The following TENT4A variants were observed in gnomAD, a reference collection of about 807,000 sequenced individuals.
The protein encoded by TENT4A is terminal nucleotidyltransferase 4A.
TENT4A carries 7 observed loss-of-function variants against 72.8 expected under a neutral mutation model. The ratio of observed to expected loss-of-function variants is 0.10; its 90% CI spans 0.05 to 0.18. TENT4A has a LOEUF of 0.18. TENT4A is among the 10% of genes least tolerant of loss of function. TENT4A has a pLI of 1.00. For synonymous variants in TENT4A, 456 were observed against 434.3 expected (o/e 1.05, Z -0.62); for missense variants, 831 against 1,017.7 (o/e 0.82, Z 2.50).
chr5:6,751,744 C>G lies in TENT4A; in HGVS notation c.2019+547C>G, dbSNP rs1327206859. On this transcript the variant is annotated intron_variant, in intron 11 of 12. Coordinates refer to ENST00000230859, the MANE Select transcript of TENT4A (RefSeq NM_006999.6). Reference sequence around the variant, plus strand: ...AAATACTAAATTTTGTATCTACTTGCGATTATACATCACTTGAATATGTGT... The same window carrying G: ...AAATACTAAATTTTGTATCTACTTGGGATTATACATCACTTGAATATGTGT... 2.0e-5 allele frequency among the ~76,000 whole-genome samples: 3 copies of G among 152,130 alleles called. No homozygotes were observed. In the East Asian group the frequency reaches 5.8e-4, roughly 29 times the overall value.
chr5:6,731,799 C>T (rs1179400464), intron 1 of TENT4A, among the ~76,000 whole-genome samples: 1 of 152,112 alleles, frequency 6.6e-6, no homozygotes, highest in Non-Finnish European at 1.5e-5. Flanking sequence ...GACCTTTGAC[C>T]ATCACTTTGC....
chr5:6,727,833 C>G (rs1288631288), intron 1 of TENT4A, among the ~76,000 whole-genome samples: 3 of 152,312 alleles, frequency 2.0e-5, no homozygotes, highest in African/African-American at 7.2e-5. Flanking sequence ...CATCATCCTG[C>G]CCACAGCTCT....
intron 1 of TENT4A, among the ~76,000 whole-genome samples, chr5:6,717,361 C>T (rs891649513): frequency 2.6e-5 from 4 of 152,216 alleles, no homozygotes; most frequent in Non-Finnish European, 5.9e-5. Flanking sequence ...AGTGTGTATT[C>T]CTCATGGGAG....
chr5:6,726,516 T>C (rs274706), intron 1 of TENT4A, among the ~76,000 whole-genome samples: 89,771 of 151,960 alleles, frequency 0.59, 27,274 homozygotes, highest in Middle Eastern at 0.68. Context: ...ACTTGTGCCG[T>C]GCCACCTTGA....
At chr5:6,736,331 G>A (rs1741495807) in intron 1 of TENT4A, among the ~76,000 whole-genome samples, 1 of 152,176 alleles carries the variant, frequency 6.6e-6, no homozygotes, top group South Asian at 2.1e-4. Context: ...CTGATGCAGG[G>A]CCACTCACCT....
chr5:6,740,566 G>C (rs1741745786), intron 4 of TENT4A, among the ~76,000 whole-genome samples: 1 of 144,678 alleles, frequency 6.9e-6, no homozygotes, highest in Non-Finnish European at 1.5e-5. Flanking sequence ...TCCTGCCTGT[G>C]TGGTGATAGG....
At chr5:6,724,185 A>G (rs1740792703) in intron 1 of TENT4A, among the ~76,000 whole-genome samples, 1 of 152,244 alleles carries the variant, frequency 6.6e-6, no homozygotes, top group Non-Finnish European at 1.5e-5. Context: ...TCTGCATGGT[A>G]TGCAAGCCTG....
intron 1 of TENT4A, among the ~76,000 whole-genome samples, chr5:6,729,530 C>G (rs139481856): frequency 6.6e-6 from 1 of 152,258 alleles, no homozygotes; most frequent in Admixed American, 6.5e-5. Context: ...CAGGCGCAGT[C>G]ACGCAGTTTC....
intron 1 of TENT4A, among the ~76,000 whole-genome samples, chr5:6,730,024 A>G (rs1046463049): frequency 2.0e-5 from 3 of 152,130 alleles, no homozygotes; most frequent in African/African-American, 7.2e-5. Flanking sequence ...CTTAATTATT[A>G]CAGGCTTCTG....
intron 1 of TENT4A, 118 bp downstream of exon 1, chr5:6,714,817 A>AG: frequency 2.2e-6 from 1 of 445,412 alleles, no homozygotes; most frequent in Non-Finnish European, 3.4e-6. Context: ...TTGAAGGCTA[A>AG]GGCCAAGGCC....
chr5:6,731,409 G>A (rs372048405), intron 1 of TENT4A, among the ~76,000 whole-genome samples: 2 of 152,172 alleles, frequency 1.3e-5, no homozygotes, highest in African/African-American at 4.8e-5. Context: ...GTAAACTGAG[G>A]CACATAATTA....
At chr5:6,736,132 T>C (rs1338536786) in intron 1 of TENT4A, among the ~76,000 whole-genome samples, 1 of 152,250 alleles carries the variant, frequency 6.6e-6, no homozygotes, top group Non-Finnish European at 1.5e-5. Flanking sequence ...AGGTGCTTCA[T>C]GAGCAAGCGT....
At chr5:6,730,202 A>G (rs1217162362) in intron 1 of TENT4A, among the ~76,000 whole-genome samples, 1 of 152,048 alleles carries the variant, frequency 6.6e-6, no homozygotes, top group Non-Finnish European at 1.5e-5. Context: ...AGCACCCACA[A>G]AGGCACCTCT....
chr5:6,736,234 A>G (rs1741485547), intron 1 of TENT4A, among the ~76,000 whole-genome samples: 1 of 152,206 alleles, frequency 6.6e-6, no homozygotes. Flanking sequence ...TGCGTACTCC[A>G]AATGACTCTT....
chr5:6,716,247 T>G lies in TENT4A; in HGVS notation c.716+1548T>G, dbSNP rs910921630. Among the ~76,000 whole-genome samples the G allele has an allele frequency of 5.3e-5, 8 of 152,286 alleles. No homozygotes were observed. In the East Asian group the frequency reaches 1.5e-3, roughly 29 times the overall value. On this transcript the variant is annotated intron_variant, in intron 1 of 12. Transcript: ENST00000230859. ...AGCCCACTAGGATCAGGTGCTGTGC[T>G]AGGATCTGGGGATCTGGGGCAGGGA...
intron 1 of TENT4A, among the ~76,000 whole-genome samples, chr5:6,731,026 G>A (rs539541131): frequency 4.6e-5 from 7 of 152,228 alleles, no homozygotes; most frequent in South Asian, 2.1e-4. Flanking sequence ...CTATCAGTGC[G>A]ATGTAGTAGT....
Position 6,754,783 on chromosome 5 carries a change from C to T in TENT4A, c.2217C>T (p.Gly739=). The change falls in exon 13 of 13, where the codon GGC becomes GGT. Residue 739 remains glycine (G), a synonymous_variant. Coordinates refer to ENST00000230859, the MANE Select transcript of TENT4A (RefSeq NM_006999.6). ...QHNGMKLSMK[G]SHGHTQGGGY... Reference sequence around the variant, plus strand: ...ACGGCATGAAACTGTCCATGAAGGGCTCTCACGGCCACACCCAAGGCGGCG... The same window carrying T: ...ACGGCATGAAACTGTCCATGAAGGGTTCTCACGGCCACACCCAAGGCGGCG... 6.3e-7 allele frequency: 1 copy of T among 1,596,620 alleles called. No individual in the cohort carries two copies. Among genetic ancestry groups the T allele is most frequent in the Non-Finnish European group, 8.6e-7 (1 of 1,166,308 alleles).
intron 7 of TENT4A, among the ~76,000 whole-genome samples, chr5:6,747,306 C>T (rs1742158316): frequency 6.6e-6 from 1 of 152,294 alleles, no homozygotes; most frequent in Admixed American, 6.5e-5. Context: ...TTGCTGGCTG[C>T]CCTCCTCTGC....
rs939760618 is a variant in TENT4A, at chr5:6,714,325, C to A, written c.342C>A (p.Ser114=). The A allele has an allele frequency of 3.9e-4, 434 of 1,120,920 alleles. No individual in the cohort carries two copies. The highest frequency in any genetic ancestry group is 4.5e-4 in the Non-Finnish European group (415 of 918,068). 69.4% of individuals were successfully genotyped at this position (1,120,920 alleles called of 1,614,324 possible). Residue 114 remains serine (S), a synonymous_variant, in exon 1 of 13, where the codon TCC becomes TCA. Transcript: ENST00000230859. ...KSPSLSSSSS[S]SSSNAESGTE... The stretch of plus-strand genomic sequence containing the variant: ...CGTCGCTGTCGTCCTCGTCGTCGTC[C>A]TCCTCGTCCAACGCGGAGTCGGGCA...
Sources: allele counts gnomAD v4.1 joint callset (sites outside exome capture counted in the v4.1 genomes callset), GRCh38; gene constraint gnomAD v4.1.1; transcripts MANE v1.5; gene names NCBI Gene and HGNC (gene_info 2026-07-23, HGNC 2026-07-21).